Variants in USH2A observed in about 807,000 individuals in gnomAD.
USH2A encodes usherin, also known as Usher syndrome 2A (autosomal recessive, mild).
USH2A carries 443 observed loss-of-function variants against 538.9 expected under a neutral mutation model. The observed-to-expected ratio is 0.82, with a 90% CI of 0.76 to 0.89. The LOEUF (loss-of-function observed/expected upper bound fraction) is 0.89, where lower values mean the gene tolerates loss of function less well. USH2A is among the 40% of genes least tolerant of loss of function. The probability of loss-of-function intolerance (pLI) is 0.00; values close to 1 mark genes in which losing one functional copy is unlikely to be tolerated. For missense variants in USH2A, 6,633 were observed against 6,324.8 expected, an observed-to-expected ratio of 1.05 and a Z score of -1.65; for synonymous variants, 2,413 against 2,273.5, an observed-to-expected ratio of 1.06 and a Z score of -1.75.
intron 22 of USH2A, among the ~76,000 whole-genome samples, chr1:216,089,970 C>T (rs2032255715): frequency 6.6e-6 from 1 of 151,606 alleles, no homozygotes; most frequent in African/African-American, 2.4e-5. Flanking sequence ...GAAAGATATC[C>T]CAACTTTGTC....
chr1:216,265,312 A>C (rs1019460298), intron 11 of USH2A, among the ~76,000 whole-genome samples: 1 of 152,104 alleles, frequency 6.6e-6, no homozygotes, highest in Admixed American at 6.6e-5. Flanking sequence ...ATCTTTTCCC[A>C]GTTAAAATAT....
At chr1:215,855,535 T>G (rs1010164644) in intron 44 of USH2A, among the ~76,000 whole-genome samples, 1 of 152,140 alleles carries the variant, frequency 6.6e-6, no homozygotes, top group African/African-American at 2.4e-5. Context: ...TATACATGGA[T>G]GGGTAGAATC....
chr1:216,140,892 T>A (rs2033589284), intron 21 of USH2A, among the ~76,000 whole-genome samples: 1 of 152,220 alleles, frequency 6.6e-6, no homozygotes, highest in African/African-American at 2.4e-5. Context: ...GGCTCTCAGC[T>A]AGTTTTTCCT....
In USH2A at chr1:215,671,300, G is replaced by C. The variant is rs1298167099; in HGVS notation, c.13812-7C>G. 4 of 1,613,636 alleles carry C rather than the reference G, an allele frequency of 2.5e-6. No homozygotes were observed. The highest frequency in any genetic ancestry group is 3.4e-6 in the Non-Finnish European group (4 of 1,179,918). On this transcript the variant is annotated splice_polypyrimidine_tract_variant and splice_region_variant and intron_variant, in intron 63 of 71. Transcript: ENST00000307340. ...TTGAATTCGTATTTCATACCTTCAG[G>C]ACATAAGGCAGAAATTAGTGATTTT...
intron 60 of USH2A, among the ~76,000 whole-genome samples, chr1:215,733,473 C>T (rs1660065406): frequency 6.6e-6 from 1 of 152,178 alleles, no homozygotes; most frequent in Non-Finnish European, 1.5e-5. Flanking sequence ...AAAATGAAAT[C>T]ATGTCCTCCC....
intron 32 of USH2A, among the ~76,000 whole-genome samples, chr1:216,042,368 T>A (rs2030315652): frequency 6.6e-6 from 1 of 151,982 alleles, no homozygotes; most frequent in Non-Finnish European, 1.5e-5. Context: ...AAAGATATTA[T>A]CAATTATTTT....
At chr1:216,312,036 A>G (rs1282307095) in intron 9 of USH2A, among the ~76,000 whole-genome samples, 1 of 152,060 alleles carries the variant, frequency 6.6e-6, no homozygotes, top group Non-Finnish European at 1.5e-5. Context: ...TCTGACCTGT[A>G]TCATTTTTTC....
chr1:216,324,926 G>A (rs2037698755), intron 6 of USH2A, among the ~76,000 whole-genome samples: 1 of 152,090 alleles, frequency 6.6e-6, no homozygotes, highest in African/African-American at 2.4e-5. Flanking sequence ...TGTAAATAGG[G>A]TCTTTGCAGT....
At chr1:216,078,694 G>T (rs1050440560) in intron 26 of USH2A, among the ~76,000 whole-genome samples, 8 of 152,102 alleles carry the variant, frequency 5.3e-5, no homozygotes, top group Non-Finnish European at 1.0e-4. Flanking sequence ...CTGAATGACT[G>T]AAGAGAACAG....
At chr1:216,362,445 G>A (rs2038509961) in intron 4 of USH2A, among the ~76,000 whole-genome samples, 1 of 152,078 alleles carries the variant, frequency 6.6e-6, no homozygotes, top group African/African-American at 2.4e-5. Flanking sequence ...TGTAAGGATA[G>A]TTAGTGTTTA....
At chr1:216,152,112 C>T (rs1482766397) in intron 21 of USH2A, among the ~76,000 whole-genome samples, 3 of 152,100 alleles carry the variant, frequency 2.0e-5, no homozygotes, top group Non-Finnish European at 4.4e-5. Flanking sequence ...TGAGAAACAT[C>T]GTCCATTCTC....
chr1:215,940,756 G>A (rs1666612172), intron 37 of USH2A, among the ~76,000 whole-genome samples: 1 of 152,112 alleles, frequency 6.6e-6, no homozygotes, highest in Non-Finnish European at 1.5e-5. Flanking sequence ...TACTGTAATA[G>A]TGATTTTAAT....
intron 64 of USH2A, among the ~76,000 whole-genome samples, chr1:215,653,665 T>C (rs1268558748): frequency 6.6e-6 from 1 of 152,260 alleles, no homozygotes; most frequent in Non-Finnish European, 1.5e-5. Flanking sequence ...TCTCCTTCTG[T>C]CTCTCTGTCT....
chr1:216,076,569 C>A (rs955686124), intron 27 of USH2A, among the ~76,000 whole-genome samples: 1 of 151,728 alleles, frequency 6.6e-6, no homozygotes. Context: ...CTCACTCATA[C>A]GAAGGGTTTT....
At chr1:215,731,276 G>A (rs776379757) in intron 60 of USH2A, among the ~76,000 whole-genome samples, 4 of 152,264 alleles carry the variant, frequency 2.6e-5, no homozygotes, top group South Asian at 4.1e-4. Context: ...ATTTCTTATC[G>A]CTATTGAATC....
chr1:216,303,424 A>T (rs2037251291), intron 9 of USH2A, among the ~76,000 whole-genome samples: 1 of 151,982 alleles, frequency 6.6e-6, no homozygotes, highest in Non-Finnish European at 1.5e-5. Context: ...ATACGAATTC[A>T]CATACTAAGA....
intron 16 of USH2A, among the ~76,000 whole-genome samples, chr1:216,203,380 A>G (rs2035041062): frequency 6.6e-6 from 1 of 152,088 alleles, no homozygotes. Context: ...ATAAAATAGA[A>G]CAATTATAAC....
intron 30 of USH2A, among the ~76,000 whole-genome samples, chr1:216,062,404 T>G (rs1383733600): frequency 6.6e-6 from 1 of 152,050 alleles, no homozygotes; most frequent in African/African-American, 2.4e-5. Context: ...TCTTAGAAGT[T>G]TCAAAGAGCA....
intron 21 of USH2A, among the ~76,000 whole-genome samples, chr1:216,155,894 T>A (rs1179266357): frequency 1.3e-5 from 2 of 152,196 alleles, no homozygotes; most frequent in Non-Finnish European, 2.9e-5. Context: ...CTATAAATAA[T>A]CTTATTAGAT....
Sources: gnomAD v4.1 joint callset for allele counts (sites outside exome capture counted in the v4.1 genomes callset) on GRCh38, gnomAD v4.1.1 for gene constraint, MANE v1.5 for transcripts, NCBI Gene and HGNC (gene_info 2026-07-23, HGNC 2026-07-21) for gene names.